The following LINGO2 variants were observed in gnomAD, a reference collection of about 807,000 sequenced individuals.
LINGO2 encodes the protein leucine-rich repeat and immunoglobulin-like domain-containing nogo receptor-interacting protein 2.
Under a neutral mutation model 30.6 loss-of-function variants are expected in LINGO2, and 14 were observed. The ratio of observed to expected loss-of-function variants is 0.46; its 90% confidence interval spans 0.30 to 0.72. The LOEUF (loss-of-function observed/expected upper bound fraction) is 0.72, where lower values mean the gene tolerates loss of function less well. Among genes scored for constraint, LINGO2 ranks in the 30% least tolerant of loss-of-function variants. The probability of loss-of-function intolerance (pLI) is 0.07; values close to 1 mark genes in which losing one functional copy is unlikely to be tolerated. For synonymous variants in LINGO2, 317 were observed against 288.5 expected, an observed-to-expected ratio of 1.10 and a Z score of -1.00; for missense variants, 729 against 751.7, an observed-to-expected ratio of 0.97 and a Z score of 0.35.
intron 1 of LINGO2, among the ~76,000 whole-genome samples, chr9:28,613,087 C>T (rs1466228443): frequency 6.6e-6 from 1 of 152,104 alleles, no homozygotes; most frequent in Non-Finnish European, 1.5e-5. Flanking sequence ...AGGTATCTTG[C>T]TTCTCCTTCG....
At chr9:28,662,617 T>C (rs2136014629) in intron 1 of LINGO2, among the ~76,000 whole-genome samples, 1 of 152,330 alleles carries the variant, frequency 6.6e-6, no homozygotes, top group African/African-American at 2.4e-5. Flanking sequence ...TCTTATCTAT[T>C]GTGTGATCTT....
At chr9:29,084,805 AT>A in the LINGO2 span, among the ~76,000 whole-genome samples, 1 of 152,010 alleles carries the variant, frequency 6.6e-6, no homozygotes, top group Non-Finnish European at 1.5e-5. Context: ...TATTTTATTA[AT>A]GTCCAATTTT....
At chr9:28,181,432 C>T (rs964201013) in intron 4 of LINGO2, among the ~76,000 whole-genome samples, 3 of 152,136 alleles carry the variant, frequency 2.0e-5, no homozygotes, top group African/African-American at 7.2e-5. Flanking sequence ...TGTGATATCT[C>T]GGCCAGCAGC....
chr9:28,801,282 G>A, the LINGO2 span, among the ~76,000 whole-genome samples: 2 of 152,028 alleles, frequency 1.3e-5, no homozygotes, highest in South Asian at 4.1e-4. Flanking sequence ...TCAAGGTAGT[G>A]CTTTCCACTG....
At chr9:28,428,872 G>C (rs1317693794) in intron 2 of LINGO2, among the ~76,000 whole-genome samples, 1 of 152,120 alleles carries the variant, frequency 6.6e-6, no homozygotes, top group Non-Finnish European at 1.5e-5. Context: ...AGAATGTAAA[G>C]TAGTATTAAG....
At chr9:28,163,718 C>G (rs1176531735) in intron 4 of LINGO2, among the ~76,000 whole-genome samples, 1 of 152,056 alleles carries the variant, frequency 6.6e-6, no homozygotes, top group African/African-American at 2.4e-5. Flanking sequence ...GTTACTTTTT[C>G]TTTTTTGCAG....
At chr9:28,471,834 C>T (rs1825532271) in intron 2 of LINGO2, among the ~76,000 whole-genome samples, 1 of 152,106 alleles carries the variant, frequency 6.6e-6, no homozygotes, top group African/African-American at 2.4e-5. Flanking sequence ...TCCCAAAAGA[C>T]ATGTATAAGT....
At chr9:28,938,736 G>A in the LINGO2 span, among the ~76,000 whole-genome samples, 1 of 152,174 alleles carries the variant, frequency 6.6e-6, no homozygotes, top group South Asian at 2.1e-4. Flanking sequence ...GTAGGTTTGT[G>A]TAAATCTACT....
the LINGO2 span, among the ~76,000 whole-genome samples, chr9:28,718,440 T>A: frequency 6.6e-6 from 1 of 152,038 alleles, no homozygotes; most frequent in Non-Finnish European, 1.5e-5. Flanking sequence ...AACCAAACAT[T>A]GCTATCATAC....
intron 4 of LINGO2, among the ~76,000 whole-genome samples, chr9:28,233,710 A>C (rs143763154): frequency 2.6e-5 from 4 of 152,164 alleles, no homozygotes; most frequent in Non-Finnish European, 5.9e-5. Flanking sequence ...GAGAGTGAAG[A>C]CAAAAGAGGA....
chr9:28,908,779 A>C, the LINGO2 span, among the ~76,000 whole-genome samples: 1 of 152,066 alleles, frequency 6.6e-6, no homozygotes, highest in South Asian at 2.1e-4. Flanking sequence ...AGAGAGAATA[A>C]TTTCATTTGT....
chr9:28,362,757 C>T (rs1480279789), intron 3 of LINGO2, among the ~76,000 whole-genome samples: 2 of 152,138 alleles, frequency 1.3e-5, no homozygotes, highest in Non-Finnish European at 2.9e-5. Context: ...GTGTGAGCCA[C>T]CACGCCCGAC....
intron 2 of LINGO2, among the ~76,000 whole-genome samples, chr9:28,377,543 T>C (rs1239098352): frequency 6.6e-6 from 1 of 152,108 alleles, no homozygotes; most frequent in Non-Finnish European, 1.5e-5. Flanking sequence ...TTTTCAACTG[T>C]GTGTGGGGGG....
intron 4 of LINGO2, among the ~76,000 whole-genome samples, chr9:28,218,639 T>C (rs1820852868): frequency 6.6e-6 from 1 of 152,074 alleles, no homozygotes; most frequent in South Asian, 2.1e-4. Flanking sequence ...GACCCTGATA[T>C]TCTAATGTTT....
intron 4 of LINGO2, among the ~76,000 whole-genome samples, chr9:28,026,590 G>C (rs1823386440): frequency 6.6e-6 from 1 of 152,152 alleles, no homozygotes; most frequent in Non-Finnish European, 1.5e-5. Context: ...TATAAAGCTT[G>C]CATTTTGGAT....
chr9:28,334,099 T>C (rs1286535741), intron 3 of LINGO2, among the ~76,000 whole-genome samples: 3 of 152,172 alleles, frequency 2.0e-5, no homozygotes, highest in African/African-American at 7.2e-5. Flanking sequence ...GTTTCTGCTC[T>C]GAAGCCTTCT....
the LINGO2 span, among the ~76,000 whole-genome samples, chr9:28,678,199 A>T: frequency 6.6e-6 from 1 of 150,978 alleles, no homozygotes; most frequent in Non-Finnish European, 1.5e-5. Flanking sequence ...GCCTGGCCTG[A>T]TCTGTCACAG....
intron 4 of LINGO2, among the ~76,000 whole-genome samples, chr9:28,039,553 GCTAT>G (rs901693192): frequency 6.6e-6 from 1 of 152,112 alleles, no homozygotes; most frequent in African/African-American, 2.4e-5. Flanking sequence ...CAGTAACAGT[GCTAT>G]CTCTTATAAT....
chr9:28,048,944 A>G lies in LINGO2; in HGVS notation c.-86-36539T>C, dbSNP rs1824547749. Among the ~76,000 whole-genome samples, 6 of 150,972 alleles carry G rather than the reference A, an allele frequency of 4.0e-5. No homozygotes were observed. The Admixed American group carries it at 4.0e-4, about 10-fold the overall frequency. On this transcript the variant is annotated intron_variant, in intron 4 of 5. Coordinates refer to ENST00000379992, the Ensembl canonical transcript of LINGO2. Reference sequence around the variant, plus strand: ...ATCCCGAGTGTAACAAAGCAAATGCATGTATGTGAAATATAAAAGGCAAAA... The same window carrying G: ...ATCCCGAGTGTAACAAAGCAAATGCGTGTATGTGAAATATAAAAGGCAAAA...
Sources: gnomAD v4.1 joint callset for allele counts (sites outside exome capture counted in the v4.1 genomes callset) on GRCh38, gnomAD v4.1.1 for gene constraint, MANE v1.5 for transcripts, NCBI Gene and HGNC (gene_info 2026-07-23, HGNC 2026-07-21) for gene names.